The following HLA-F variants were observed in gnomAD, a reference collection of about 807,000 sequenced individuals.
HLA-F encodes the protein major histocompatibility complex, class I, F.
In HLA-F, 46 loss-of-function variants were observed where a neutral mutation model predicts 49.5. The observed-to-expected ratio is 0.93, with a 90% CI of 0.73 to 1.19. HLA-F has a LOEUF of 1.19. Ranked by LOEUF, HLA-F falls within the 50% of genes most tolerant of loss-of-function variation. The pLI is 0.00. For missense variants in HLA-F, 496 were observed against 579.6 expected, an observed-to-expected ratio of 0.86 and a Z score of 1.48; for synonymous variants, 203 against 233.5, an observed-to-expected ratio of 0.87 and a Z score of 1.19.
intron 5 of HLA-F, among the ~76,000 whole-genome samples, 178 bp downstream of exon 5, chr6:29,725,741 G>T (rs57368914): frequency 2.0e-5 from 3 of 152,170 alleles, no homozygotes; most frequent in Non-Finnish European, 4.4e-5. Flanking sequence ...GAAAATGAAG[G>T]ACAGATTCTT....
In HLA-F at chr6:29,723,715, C is replaced by T. The variant is rs748689916; in HGVS notation, c.122C>T (p.Pro41Leu). 3 of 1,611,900 alleles carry T rather than the reference C, an allele frequency of 1.9e-6. No individual in the cohort carries two copies. The highest frequency in any genetic ancestry group is 2.5e-6 in the Non-Finnish European group (3 of 1,179,798). The change falls in exon 2 of 7, where the codon CCC (proline) becomes CTC (leucine). Residue 41 changes from proline to leucine, a missense_variant. By Grantham distance (98) the Pro-to-Leu change is moderately conservative. Coordinates refer to ENST00000259951, the MANE Select transcript of HLA-F (RefSeq NM_001098479.2). ...TAVSRPGRGE[P>L]RYIAVEYVDD... The stretch of plus-strand genomic sequence containing the variant: ...GTGTCGCGGCCCGGCCGCGGGGAGC[C>T]CCGCTACATCGCCGTGGAGTACGTA...
chr6:29,729,740 A>G (rs1736919), downstream of HLA-F, among the ~76,000 whole-genome samples: 97,466 of 152,088 alleles, frequency 0.64, 31,695 homozygotes, highest in Non-Finnish European at 0.7. Flanking sequence ...ATATTTGCCA[A>G]TTATATACCT....
At chr6:29,724,056 G>C in intron 2 of HLA-F, 117 bp from the exon 3 acceptor site, 2 of 1,548,170 alleles carry the variant, frequency 1.3e-6, no homozygotes, top group Non-Finnish European at 1.7e-6. Flanking sequence ...CCCTCCACCC[G>C]GGAGAGTCCC....
chr6:29,729,731 T>C (rs115051694), downstream of HLA-F, among the ~76,000 whole-genome samples: 1 of 152,292 alleles, frequency 6.6e-6, no homozygotes, highest in Non-Finnish European at 1.5e-5. Flanking sequence ...TGGGAGGAAA[T>C]ATTTGCCAAT....
chr6:29,726,604 A>C, intron 6 of HLA-F: 1 of 1,515,102 alleles, frequency 6.6e-7, no homozygotes, highest in Non-Finnish European at 8.8e-7. Flanking sequence ...GTGAATAGAG[A>C]GATTAAGATT....
downstream of HLA-F, among the ~76,000 whole-genome samples, chr6:29,731,671 G>C (rs2735055): frequency 6.6e-6 from 1 of 151,782 alleles, no homozygotes; most frequent in Non-Finnish European, 1.5e-5. Context: ...AAACACCCTC[G>C]CAGGCACACC....
intron 3 of HLA-F, chr6:29,735,270 CTATA>C (rs1200980957): frequency 6.9e-6 from 1 of 145,156 alleles, no homozygotes; most frequent in East Asian, 2.0e-4. Context: ...ATATATAGTA[CTATA>C]TATATAATTT....
At chr6:29,725,605 A>G (rs982680514) in intron 5 of HLA-F, 42 bp downstream of exon 5, 4 of 1,548,648 alleles carry the variant, frequency 2.6e-6, no homozygotes, top group Non-Finnish European at 3.6e-6. Context: ...TTCTTGTCCC[A>G]CTGGGGGTTG....
intron 6 of HLA-F, chr6:29,726,349 T>C: frequency 1.3e-6 from 2 of 1,584,552 alleles, no homozygotes; most frequent in Non-Finnish European, 1.7e-6. Context: ...CTATTTAGAG[T>C]GTTACCTCTC....
At chr6:29,730,551 A>G (rs1432260112), downstream of HLA-F, among the ~76,000 whole-genome samples, 1 of 152,186 alleles carries the variant, frequency 6.6e-6, no homozygotes, top group African/African-American at 2.4e-5. Flanking sequence ...ATTACATGGT[A>G]TGTATGTTTT....
chr6:29,728,291 A>T (rs897157681), downstream of HLA-F: 3 of 353,708 alleles, frequency 8.5e-6, no homozygotes, highest in African/African-American at 6.4e-5. Context: ...CACCCCAGTC[A>T]TCTCTCCCTT....
intron 3 of HLA-F, chr6:29,736,244 G>T: frequency 2.7e-6 from 1 of 365,468 alleles, no homozygotes. Flanking sequence ...CACCTTGCAT[G>T]GGCCTTTTTG....
Position 29,726,742 on chromosome 6 carries a change from T to G in HLA-F, c.1037-141T>G, listed in dbSNP as rs1033584989. 18 of 1,222,312 alleles carry G rather than the reference T, an allele frequency of 1.5e-5. No homozygotes were observed. In the African/African-American group the frequency reaches 2.7e-4, roughly 18 times the overall value. The allele number at this position is 1,222,312 out of a possible 1,614,324, so 75.7% of individuals were successfully genotyped here. On this transcript the variant is annotated intron_variant, in intron 6 of 6. Coordinates refer to ENST00000259951, the MANE Select transcript of HLA-F (RefSeq NM_001098479.2). ...AGCCAGTCGAACATATGCCTTCCTC[T>G]CTCCATCAGACTGAATCAGAGTGTT...
At chr6:29,726,857 G>A (rs1053881619) in intron 6 of HLA-F, 26 bp from the exon 7 acceptor site, 1 of 1,599,356 alleles carries the variant, frequency 6.3e-7, no homozygotes, top group East Asian at 2.2e-5. Flanking sequence ...ACACAAGTAG[G>A]CTGTTGTTTT....
intron 3 of HLA-F, among the ~76,000 whole-genome samples, chr6:29,733,066 G>A (rs566981922): frequency 2.0e-5 from 3 of 152,266 alleles, no homozygotes; most frequent in African/African-American, 4.8e-5. Context: ...GCGCATGCGT[G>A]TAATCTCAGC....
At chr6:29,737,502 G>A (rs1191561908) in intron 3 of HLA-F, among the ~76,000 whole-genome samples, 6 of 152,268 alleles carry the variant, frequency 3.9e-5, no homozygotes, top group Middle Eastern at 6.8e-3. Context: ...GCCAGGATGT[G>A]CTTTTATTTG....
intron 3 of HLA-F, chr6:29,736,335 G>A (rs1157610949): frequency 6.9e-6 from 3 of 437,604 alleles, no homozygotes; most frequent in African/African-American, 4.1e-5. Flanking sequence ...TGCTCTTGTT[G>A]TAGATTCTCC....
At chr6:29,737,522 A>G (rs527823225) in intron 3 of HLA-F, among the ~76,000 whole-genome samples, 1 of 152,322 alleles carries the variant, frequency 6.6e-6, no homozygotes, top group South Asian at 2.1e-4. Context: ...GAAGAAGAGA[A>G]GAGTTTATCA....
At chr6:29,733,723 T>C (rs1776821297) in intron 3 of HLA-F, among the ~76,000 whole-genome samples, 1 of 152,258 alleles carries the variant, frequency 6.6e-6, no homozygotes, top group Non-Finnish European at 1.5e-5. Flanking sequence ...ATGCCGATTA[T>C]GGCACCTCCA....
Sources: allele counts gnomAD v4.1 joint callset (sites outside exome capture counted in the v4.1 genomes callset), GRCh38; gene constraint gnomAD v4.1.1; transcripts MANE v1.5; gene names NCBI Gene and HGNC (gene_info 2026-07-23, HGNC 2026-07-21).